ZNF385D: variants seen among roughly 807,000 people sequenced by gnomAD.
ZNF385D encodes zinc finger protein 659.
A neutral mutation model predicts 35.8 loss-of-function variants in ZNF385D; 15 were observed. The ratio of observed to expected loss-of-function variants is 0.42; its 90% CI spans 0.28 to 0.64. ZNF385D has a LOEUF of 0.64. Ranked by LOEUF, ZNF385D falls within the 30% of genes least tolerant of loss-of-function variation. The pLI is 0.23. For missense variants in ZNF385D, 474 were observed against 494.6 expected (o/e 0.96, Z 0.39); for synonymous variants, 212 against 186.8 (o/e 1.13, Z -1.10).
At chr3:22,063,065 A>C (rs1324438293) in intron 3 of ZNF385D, among the ~76,000 whole-genome samples, 2 of 152,140 alleles carry the variant, frequency 1.3e-5, no homozygotes, top group Non-Finnish European at 2.9e-5. Flanking sequence ...TCTGGGGGTA[A>C]TTTGTTATGC....
chr3:21,974,114 G>A (rs1296038289), intron 3 of ZNF385D, among the ~76,000 whole-genome samples: 1 of 151,892 alleles, frequency 6.6e-6, no homozygotes, highest in Non-Finnish European at 1.5e-5. Context: ...AATAGACAAA[G>A]CTATCCTGAG....
chr3:22,087,946 T>G (rs1015683023), intron 3 of ZNF385D, among the ~76,000 whole-genome samples: 1 of 152,206 alleles, frequency 6.6e-6, no homozygotes, highest in African/African-American at 2.4e-5. Flanking sequence ...TTTCTGCCAG[T>G]GTCATTTATT....
chr3:21,618,572 A>C (rs1293454477), intron 2 of ZNF385D, among the ~76,000 whole-genome samples: 1 of 152,192 alleles, frequency 6.6e-6, no homozygotes, highest in Non-Finnish European at 1.5e-5. Context: ...GCATGTCTGA[A>C]TTATCTGTAT....
At chr3:21,788,926 C>T (rs577151387) in intron 3 of ZNF385D, among the ~76,000 whole-genome samples, 2 of 152,046 alleles carry the variant, frequency 1.3e-5, no homozygotes, top group African/African-American at 4.8e-5. Context: ...TGGATTAGGG[C>T]AGGAGGTCAG....
chr3:21,858,173 A>G (rs570790395), intron 3 of ZNF385D, among the ~76,000 whole-genome samples: 127 of 150,564 alleles, frequency 8.4e-4, no homozygotes, highest in Middle Eastern at 3.4e-3. Context: ...AAAAAAAAAA[A>G]GGGAAATACA....
At chr3:21,437,713 A>AAAAAC (rs1443395732) in intron 4 of ZNF385D, among the ~76,000 whole-genome samples, 1 of 149,146 alleles carries the variant, frequency 6.7e-6, no homozygotes, top group African/African-American at 2.4e-5. Flanking sequence ...AAAAAAAAAA[A>AAAAAC]AAAAAACCGG....
chr3:22,131,555 G>C (rs75149442), intron 3 of ZNF385D, among the ~76,000 whole-genome samples: 5 of 152,076 alleles, frequency 3.3e-5, no homozygotes, highest in African/African-American at 1.2e-4. Flanking sequence ...TGTATCAGGA[G>C]AGAATGGAAG....
chr3:22,168,911 C>T lies in ZNF385D; in HGVS notation c.231G>A (p.Leu77=). ...GGATTTGTGCTTGAGCGGCTGAATT[C>T]AGCTGAATGTTACATACATTGCACA... Residue 77 remains leucine (L), a synonymous_variant, in exon 3 of 6, where the codon CTG becomes CTA. Coordinates refer to the ZNF385D transcript ENST00000494108. The T allele has an allele frequency of 3.0e-6, 3 of 985,798 alleles. 1 individual carries two copies. The highest frequency in any genetic ancestry group is 3.6e-6 in the Non-Finnish European group (3 of 829,926). 61.1% of individuals were successfully genotyped at this position (985,798 alleles called of 1,614,324 possible). A position where few individuals can be genotyped will look rare whatever the true frequency, so the allele number is the denominator to read the frequency against.
intron 3 of ZNF385D, among the ~76,000 whole-genome samples, chr3:21,814,228 C>T (rs1453100854): frequency 6.6e-6 from 1 of 152,156 alleles, no homozygotes; most frequent in African/African-American, 2.4e-5. Context: ...ACAACTGGTA[C>T]CAGCCACTGC....
chr3:21,769,009 A>G (rs574185697), intron 3 of ZNF385D, among the ~76,000 whole-genome samples: 108 of 152,050 alleles, frequency 7.1e-4, no homozygotes, highest in Non-Finnish European at 1.3e-3. Context: ...GGATTGTTAT[A>G]AATAGCTCTT....
At chr3:21,784,323 G>A (rs1458222135) in intron 3 of ZNF385D, among the ~76,000 whole-genome samples, 2 of 152,014 alleles carry the variant, frequency 1.3e-5, no homozygotes, top group Non-Finnish European at 2.9e-5. Context: ...TTACCTTTTG[G>A]TGTTACTCTG....
chr3:21,998,257 A>G (rs904563676), intron 3 of ZNF385D, among the ~76,000 whole-genome samples: 8 of 152,162 alleles, frequency 5.3e-5, no homozygotes, highest in African/African-American at 1.9e-4. Flanking sequence ...TACTCTGCCT[A>G]TGTGATAACT....
chr3:22,135,132 C>T (rs1704030187), intron 3 of ZNF385D, among the ~76,000 whole-genome samples: 1 of 152,100 alleles, frequency 6.6e-6, no homozygotes, highest in Non-Finnish European at 1.5e-5. Context: ...TACTGCAAAT[C>T]CTAGTCAGTA....
rs934997305 is a variant in ZNF385D at position 21,421,235 on chromosome 3, A to T, written c.1167T>A (p.Pro389=). The T allele has an allele frequency of 1.6e-5, 26 of 1,614,008 alleles. No homozygotes were observed. Among genetic ancestry groups the T allele is most frequent in the Non-Finnish European group, 2.2e-5 (26 of 1,180,020 alleles). ...GAATTTAGTAAGGAGCAAACAGCAC[A>T]GGAGTGTGGGCGGTCCGAATGGGTC... The part of the protein sequence containing the change: ...APGPIRTAHT[P]VLFAPY The change falls in exon 8 of 8, where the codon CCT becomes CCA. Residue 389 remains proline, a synonymous_variant. Coordinates refer to ENST00000281523, the MANE Select transcript of ZNF385D (RefSeq NM_024697.3).
At chr3:21,567,136 C>G (rs1057001010) in intron 2 of ZNF385D, among the ~76,000 whole-genome samples, 11 of 152,140 alleles carry the variant, frequency 7.2e-5, no homozygotes, top group African/African-American at 2.4e-4. Context: ...CATCGATGAA[C>G]ATTTCATTAT....
intron 2 of ZNF385D, among the ~76,000 whole-genome samples, chr3:22,255,271 T>TCC (rs11368837): frequency 0.015 from 2,284 of 149,978 alleles, 21 homozygotes; most frequent in African/African-American, 0.025. Flanking sequence ...TATCATGTAT[T>TCC]CCCCCCCCCA....
intron 2 of ZNF385D, among the ~76,000 whole-genome samples, chr3:21,649,500 A>T (rs1432991666): frequency 1.3e-5 from 2 of 152,160 alleles, no homozygotes; most frequent in Admixed American, 6.5e-5. Context: ...TGACACTAAC[A>T]GTAAGAATAT....
At chr3:21,569,455 T>G (rs1394601726) in intron 2 of ZNF385D, among the ~76,000 whole-genome samples, 2 of 150,488 alleles carry the variant, frequency 1.3e-5, no homozygotes, top group Admixed American at 6.6e-5. Flanking sequence ...CCTATGTGTG[T>G]CTCTGCATGT....
At chr3:21,715,722 T>A (rs767697653) in intron 1 of ZNF385D, among the ~76,000 whole-genome samples, 2 of 152,152 alleles carry the variant, frequency 1.3e-5, no homozygotes, top group Non-Finnish European at 2.9e-5. Context: ...CAAATTTCTA[T>A]CTATATGTTA....
Sources: allele counts gnomAD v4.1 joint callset (sites outside exome capture counted in the v4.1 genomes callset), GRCh38; gene constraint gnomAD v4.1.1; transcripts MANE v1.5; gene names NCBI Gene and HGNC (gene_info 2026-07-23, HGNC 2026-07-21).